Variants in RASGRP3 observed in about 807,000 individuals in gnomAD.
The protein encoded by RASGRP3 is ras guanyl-releasing protein 3.
Under a neutral mutation model 82.7 loss-of-function variants are expected in RASGRP3, and 54 were observed. That is an observed-to-expected ratio of 0.65 (90% CI 0.52 to 0.82). The LOEUF (loss-of-function observed/expected upper bound fraction) is 0.82, where lower values mean the gene tolerates loss of function less well. Ranked by LOEUF, RASGRP3 falls within the 40% of genes least tolerant of loss-of-function variation. RASGRP3 has a pLI of 0.00. For synonymous variants in RASGRP3, 309 were observed against 300.5 expected, an observed-to-expected ratio of 1.03 and a Z score of -0.29; for missense variants, 861 against 828.9, an observed-to-expected ratio of 1.04 and a Z score of -0.48.
At chr2:33,500,942 A>C (rs1006124373) in intron 1 of RASGRP3, among the ~76,000 whole-genome samples, 1 of 152,202 alleles carries the variant, frequency 6.6e-6, no homozygotes, top group Non-Finnish European at 1.5e-5. Flanking sequence ...CAAAAAAATA[A>C]ATAAATAAAA....
chr2:33,484,148 G>A (rs965163612), intron 1 of RASGRP3, among the ~76,000 whole-genome samples: 2 of 152,318 alleles, frequency 1.3e-5, no homozygotes, highest in South Asian at 2.1e-4. Context: ...AAGATACCAG[G>A]AGGAATTCTT....
Position 33,511,421 on chromosome 2 carries a change from T to C in RASGRP3, c.-260-289T>C, listed in dbSNP as rs112122526. Among the ~76,000 whole-genome samples the C allele has an allele frequency of 4.0e-3, 603 of 152,364 alleles. 3 individuals carry two copies. The highest frequency in any genetic ancestry group is 0.014 in the African/African-American group (572 of 41,578). On this transcript the variant is annotated intron_variant, in intron 1 of 17. Coordinates refer to ENST00000403687, the MANE Select transcript of RASGRP3 (RefSeq NM_001139488.2). ...ATTCTTAATGAGTAATCCACTGATA[T>C]ATTTGCATGAAACAGTAGTTTATAC...
At chr2:33,466,874 TA>T (rs1309679635) in intron 2 of RASGRP3, among the ~76,000 whole-genome samples, 2 of 151,910 alleles carry the variant, frequency 1.3e-5, no homozygotes, top group African/African-American at 4.8e-5. Context: ...TCTGGGGAGG[TA>T]AATGCTCAGG....
intron 2 of RASGRP3, among the ~76,000 whole-genome samples, chr2:33,454,275 A>G (rs566299559): frequency 1.3e-5 from 2 of 152,334 alleles, no homozygotes; most frequent in Non-Finnish European, 2.9e-5. Flanking sequence ...GAGAGGAGTG[A>G]GTCAATTCCT....
intron 10 of RASGRP3, chr2:33,532,590 T>A (rs1673205660): frequency 6.6e-6 from 1 of 152,230 alleles, no homozygotes; most frequent in Admixed American, 6.5e-5. Flanking sequence ...TTTCCTTTCC[T>A]GTAAAAAGGC....
intron 3 of RASGRP3, among the ~76,000 whole-genome samples, 159 bp downstream of exon 3, chr2:33,515,365 C>T (rs1315940519): frequency 6.6e-6 from 1 of 152,148 alleles, no homozygotes; most frequent in African/African-American, 2.4e-5. Flanking sequence ...TTTCACTGCC[C>T]TCCATATTTC....
intron 13 of RASGRP3, among the ~76,000 whole-genome samples, chr2:33,548,931 C>G (rs573662443): frequency 6.6e-6 from 1 of 152,176 alleles, no homozygotes; most frequent in Non-Finnish European, 1.5e-5. Context: ...TCAAGTGATC[C>G]GCCCACCTTG....
chr2:33,564,487 T>A lies in RASGRP3; in HGVS notation c.*1750T>A, dbSNP rs1417985694. 1.3e-5 allele frequency: 2 copies of A among 152,222 alleles called. No homozygotes were observed. Among genetic ancestry groups the A allele is most frequent in the Non-Finnish European group, 1.5e-5 (1 of 68,036 alleles). The allele number at this position is 152,222 out of a possible 1,614,324, so 9.4% of individuals were successfully genotyped here. A position where few individuals can be genotyped will look rare whatever the true frequency, so the allele number is the denominator to read the frequency against. Reference sequence around the variant, plus strand: ...GCAATAATATGCATGTTAACAACATTAAAAACAGCAAACAGCAATCTAAGT... The same window carrying A: ...GCAATAATATGCATGTTAACAACATAAAAAACAGCAAACAGCAATCTAAGT... On this transcript the variant is annotated 3_prime_UTR_variant, in exon 18 of 18. Coordinates refer to ENST00000403687, the MANE Select transcript of RASGRP3 (RefSeq NM_001139488.2).
chr2:33,491,545 C>A (rs1028804080), intron 1 of RASGRP3, among the ~76,000 whole-genome samples: 2 of 152,160 alleles, frequency 1.3e-5, no homozygotes, highest in South Asian at 4.2e-4. Flanking sequence ...TTTTTAATAT[C>A]CTGTGGAGAA....
chr2:33,484,358 G>C (rs1001572988), intron 1 of RASGRP3, among the ~76,000 whole-genome samples: 1 of 152,190 alleles, frequency 6.6e-6, no homozygotes, highest in African/African-American at 2.4e-5. Flanking sequence ...TTTTAAATAA[G>C]AATTGGGTAT....
At chr2:33,443,709 T>TAAAAA (rs1161262477) in intron 1 of RASGRP3, among the ~76,000 whole-genome samples, 2 of 98,222 alleles carry the variant, frequency 2.0e-5, no homozygotes, top group African/African-American at 3.9e-5. Flanking sequence ...ATCCTGTCTC[T>TAAAAA]AAAAAAAAAA....
intron 11 of RASGRP3, among the ~76,000 whole-genome samples, chr2:33,535,203 ATGG>A (rs1673485567): frequency 6.6e-6 from 1 of 152,204 alleles, no homozygotes; most frequent in South Asian, 2.1e-4. Flanking sequence ...CACTTAATAG[ATGG>A]CAGACGCTTA....
At chr2:33,495,958 A>G (rs1316132202) in intron 1 of RASGRP3, among the ~76,000 whole-genome samples, 1 of 152,190 alleles carries the variant, frequency 6.6e-6, no homozygotes, top group African/African-American at 2.4e-5. Context: ...CCCTAAAATG[A>G]GCAGAACCAA....
chr2:33,525,713 A>AAC (rs1364851602), intron 9 of RASGRP3, among the ~76,000 whole-genome samples: 2 of 148,884 alleles, frequency 1.3e-5, no homozygotes, highest in African/African-American at 4.9e-5. Flanking sequence ...AAAAAAAAAA[A>AAC]AAAAAAAAAA....
chr2:33,558,718 G>C lies in RASGRP3; in HGVS notation c.1752G>C (p.Arg584Ser). ...FEFPGVTAGHRDLDSRAITLV... is the reference protein window; with the variant it reads ...FEFPGVTAGHSDLDSRAITLV... The stretch of plus-strand genomic sequence containing the variant: ...TCCCTGGAGTCACTGCTGGACACAG[G>C]GATTTAGACAGCAGAGCCATCACAC... Residue 584 changes from arginine (R) to serine (S), a missense_variant, in exon 17 of 18, where the codon AGG becomes AGC. Arg to Ser is a moderately radical substitution (Grantham distance 110). Transcript: ENST00000403687. The C allele has an allele frequency of 6.2e-7, 1 of 1,613,478 alleles. No individual in the cohort carries two copies. The highest frequency in any genetic ancestry group is 8.5e-7 in the Non-Finnish European group (1 of 1,179,742).
upstream of RASGRP3, among the ~76,000 whole-genome samples, chr2:33,473,229 A>T (rs573915399): frequency 6.6e-6 from 1 of 152,056 alleles, no homozygotes; most frequent in Non-Finnish European, 1.5e-5. Context: ...TAAAAATACA[A>T]AAAATTAGCT....
chr2:33,548,507 A>G (rs1416741912), intron 13 of RASGRP3, among the ~76,000 whole-genome samples: 2 of 152,076 alleles, frequency 1.3e-5, no homozygotes, highest in Non-Finnish European at 2.9e-5. Flanking sequence ...GACTGAGCAT[A>G]ACCTGGAAGG....
chr2:33,545,831 G>C (rs751341518), intron 13 of RASGRP3, among the ~76,000 whole-genome samples: 11 of 152,006 alleles, frequency 7.2e-5, no homozygotes, highest in Non-Finnish European at 1.0e-4. Flanking sequence ...TTGAGACAGA[G>C]TCTCGTTCTT....
intron 2 of RASGRP3, among the ~76,000 whole-genome samples, chr2:33,449,529 A>C (rs1285231384): frequency 6.6e-6 from 1 of 152,148 alleles, no homozygotes; most frequent in African/African-American, 2.4e-5. Flanking sequence ...TGGGAGGCCG[A>C]GGGGGGCAGA....
Sources: allele counts gnomAD v4.1 joint callset (sites outside exome capture counted in the v4.1 genomes callset), GRCh38; gene constraint gnomAD v4.1.1; transcripts MANE v1.5; gene names NCBI Gene and HGNC (gene_info 2026-07-23, HGNC 2026-07-21).